SPOCK3: variants seen among roughly 807,000 people sequenced by gnomAD.
The protein encoded by SPOCK3 is SPARC (osteonectin), cwcv and kazal like domains proteoglycan 3.
SPOCK3 carries 30 observed loss-of-function variants against 56.6 expected under a neutral mutation model. That is an observed-to-expected ratio of 0.53 (90% CI 0.40 to 0.72). SPOCK3 has a LOEUF of 0.72. Ranked by LOEUF, SPOCK3 falls within the 30% of genes least tolerant of loss-of-function variation. The probability of loss-of-function intolerance (pLI) is 0.00; values close to 1 mark genes in which losing one functional copy is unlikely to be tolerated. For missense variants in SPOCK3, 527 were observed against 530.0 expected (o/e 0.99, Z 0.06); for synonymous variants, 196 against 183.3 (o/e 1.07, Z -0.56).
intron 2 of SPOCK3, among the ~76,000 whole-genome samples, chr4:167,161,409 T>G (rs917281404): frequency 3.9e-5 from 6 of 152,172 alleles, no homozygotes; most frequent in African/African-American, 1.4e-4. Flanking sequence ...GGAGAGGATG[T>G]GGAGAAATAA....
At chr4:166,840,986 G>T (rs1209113146) in intron 6 of SPOCK3, among the ~76,000 whole-genome samples, 1 of 151,458 alleles carries the variant, frequency 6.6e-6, no homozygotes. Context: ...CACCGTGTTA[G>T]CCAGGATAGT....
chr4:166,991,366 T>TTTAA, intron 4 of SPOCK3, among the ~76,000 whole-genome samples: 1 of 150,400 alleles, frequency 6.6e-6, no homozygotes, highest in African/African-American at 2.4e-5. Flanking sequence ...TATTTATTTA[T>TTTAA]TTATTTATTT....
chr4:166,800,208 G>GAAAAAAAAAAAAAAA (rs1207796263), intron 6 of SPOCK3, among the ~76,000 whole-genome samples: 112 of 112,864 alleles, frequency 9.9e-4, no homozygotes, highest in East Asian at 7.7e-3. Flanking sequence ...AAAAAAAAAT[G>GAAAAAAAAAAAAAAA]AAAACATGGA....
chr4:166,877,080 T>C (rs1733174528), intron 6 of SPOCK3, among the ~76,000 whole-genome samples: 1 of 152,092 alleles, frequency 6.6e-6, no homozygotes. Context: ...TGAAATACCA[T>C]AGTGGTTAAA....
At chr4:167,077,695 C>T (rs1757323480) in intron 2 of SPOCK3, among the ~76,000 whole-genome samples, 1 of 151,850 alleles carries the variant, frequency 6.6e-6, no homozygotes, top group African/African-American at 2.4e-5. Flanking sequence ...TCCTCATTTG[C>T]ACCTTAATAT....
chr4:167,040,683 C>G (rs1561150401), intron 3 of SPOCK3, among the ~76,000 whole-genome samples: 1 of 152,024 alleles, frequency 6.6e-6, no homozygotes, highest in South Asian at 2.1e-4. Flanking sequence ...AATCACTATT[C>G]TTTTGTAAAG....
intron 4 of SPOCK3, among the ~76,000 whole-genome samples, chr4:166,948,858 T>C (rs1742129238): frequency 6.6e-6 from 1 of 151,970 alleles, no homozygotes; most frequent in South Asian, 2.1e-4. Flanking sequence ...TTTGTGGCGT[T>C]CTCTGTATTT....
At chr4:167,205,165 A>ATATATATTATATATTATATAT (rs1337545685) in intron 2 of SPOCK3, among the ~76,000 whole-genome samples, 1 of 110,322 alleles carries the variant, frequency 9.1e-6, no homozygotes. Flanking sequence ...TATATATATA[A>ATATATATTATATATTATATAT]TATATATTAT....
At chr4:167,224,767 C>A (rs1402426899) in intron 2 of SPOCK3, among the ~76,000 whole-genome samples, 1 of 151,994 alleles carries the variant, frequency 6.6e-6, no homozygotes, top group Non-Finnish European at 1.5e-5. Context: ...TCAAGCGATT[C>A]TCTTGCCTCA....
intron 6 of SPOCK3, among the ~76,000 whole-genome samples, chr4:166,821,118 C>G (rs1389836921): frequency 6.6e-6 from 1 of 151,690 alleles, no homozygotes; most frequent in African/African-American, 2.4e-5. Context: ...TTAAAATAAT[C>G]CAGTTGAAAT....
chr4:166,882,587 T>C lies in SPOCK3; in HGVS notation c.589+6543A>G, dbSNP rs554365839. 9.3e-4 allele frequency among the ~76,000 whole-genome samples: 141 copies of C among 152,328 alleles called. 1 individual carries two copies. The highest frequency in any genetic ancestry group is 3.2e-3 in the African/African-American group (134 of 41,586). On this transcript the variant is annotated intron_variant, in intron 6 of 10. Coordinates refer to ENST00000357545, the MANE Select transcript of SPOCK3 (RefSeq NM_001040159.2). ...AGGAATAAGTTTAAACGTCCTTTAG[T>C]GCTACAAGAATTAATACAGAGCTAT... is the stretch of plus-strand genomic sequence containing the variant.
At chr4:167,077,239 GATA>G (rs898856549) in intron 2 of SPOCK3, among the ~76,000 whole-genome samples, 1 of 151,504 alleles carries the variant, frequency 6.6e-6, no homozygotes, top group Non-Finnish European at 1.5e-5. Flanking sequence ...AATATAGAGA[GATA>G]AGTTTTCAAA....
intron 6 of SPOCK3, among the ~76,000 whole-genome samples, chr4:166,880,080 T>C (rs1324534222): frequency 6.6e-6 from 1 of 152,196 alleles, no homozygotes; most frequent in Non-Finnish European, 1.5e-5. Context: ...TCTCAGGTAT[T>C]TATTTATGGA....
At chr4:166,808,279 C>T (rs1044330935) in intron 6 of SPOCK3, among the ~76,000 whole-genome samples, 3 of 152,038 alleles carry the variant, frequency 2.0e-5, no homozygotes, top group Non-Finnish European at 4.4e-5. Flanking sequence ...CCATCTCTCT[C>T]CTTGCTATAG....
chr4:167,079,392 G>T (rs1561194279), intron 2 of SPOCK3, among the ~76,000 whole-genome samples: 5 of 151,652 alleles, frequency 3.3e-5, no homozygotes, highest in Admixed American at 2.6e-4. Flanking sequence ...AACATTTCTG[G>T]GTTTAATTAT....
chr4:167,075,798 C>T (rs1223035885), intron 2 of SPOCK3, among the ~76,000 whole-genome samples: 1 of 151,852 alleles, frequency 6.6e-6, no homozygotes, highest in Admixed American at 6.6e-5. Flanking sequence ...CACACCACCA[C>T]ACCTGGTCAA....
chr4:166,902,898 ACATT>A (rs1736209405), intron 5 of SPOCK3, among the ~76,000 whole-genome samples: 1 of 150,788 alleles, frequency 6.6e-6, no homozygotes, highest in Admixed American at 6.6e-5. Flanking sequence ...AATGTTTCAT[ACATT>A]AATATATATT....
intron 6 of SPOCK3, among the ~76,000 whole-genome samples, chr4:166,847,729 A>G (rs1035560554): frequency 9.2e-5 from 13 of 141,670 alleles, no homozygotes; most frequent in Admixed American, 8.9e-4. Context: ...AATTTTCAGG[A>G]TTATTTTAAT....
At chr4:167,125,262 G>A (rs910256868) in intron 2 of SPOCK3, among the ~76,000 whole-genome samples, 6 of 148,492 alleles carry the variant, frequency 4.0e-5, no homozygotes, top group Admixed American at 4.0e-4. Flanking sequence ...CTGGGGTAGA[G>A]GACTGCTGTT....
Sources: allele counts gnomAD v4.1 joint callset (sites outside exome capture counted in the v4.1 genomes callset), GRCh38; gene constraint gnomAD v4.1.1; transcripts MANE v1.5; gene names NCBI Gene and HGNC (gene_info 2026-07-23, HGNC 2026-07-21).